Variants in MAP3K9 observed in about 807,000 individuals in gnomAD.
The protein encoded by MAP3K9 is mixed lineage kinase 1 (tyr and ser/thr specificity).
A neutral mutation model predicts 95.8 loss-of-function variants in MAP3K9; 46 were observed. The ratio of observed to expected loss-of-function variants is 0.48; its 90% CI spans 0.38 to 0.61. The LOEUF is 0.61. Ranked by LOEUF, MAP3K9 falls within the 20% of genes least tolerant of loss-of-function variation. The pLI, the probability that MAP3K9 is intolerant of heterozygous loss-of-function variation, is 0.00. For missense variants in MAP3K9, 1,296 were observed against 1,474.3 expected, an observed-to-expected ratio of 0.88 and a Z score of 1.98; for synonymous variants, 533 against 593.8, an observed-to-expected ratio of 0.90 and a Z score of 1.49.
intron 3 of MAP3K9, among the ~76,000 whole-genome samples, chr14:70,758,787 G>A (rs572904332): frequency 1.3e-5 from 2 of 149,572 alleles, no homozygotes; most frequent in South Asian, 2.1e-4. Context: ...TTTTTGAGAC[G>A]GAGTTTCACT....
At chr14:70,742,277 G>C in intron 6 of MAP3K9, 74 bp downstream of exon 6, 7 of 1,556,042 alleles carry the variant, frequency 4.5e-6, no homozygotes, top group Non-Finnish European at 6.1e-6. Context: ...GCTCAGTCCC[G>C]GACTCCCTCA....
At chr14:70,797,252 C>A (rs1359578529) in intron 2 of MAP3K9, among the ~76,000 whole-genome samples, 3 of 152,014 alleles carry the variant, frequency 2.0e-5, no homozygotes, top group Admixed American at 6.6e-5. Context: ...AAATCCAATT[C>A]TCTGGAACCC....
intron 2 of MAP3K9, among the ~76,000 whole-genome samples, chr14:70,790,804 A>C (rs1387087866): frequency 3.9e-5 from 6 of 152,204 alleles, no homozygotes; most frequent in African/African-American, 1.4e-4. Context: ...GATAGAAGCT[A>C]CATTTTTCTC....
At chr14:70,798,773 C>A (rs542094401) in intron 2 of MAP3K9, among the ~76,000 whole-genome samples, 36 of 152,150 alleles carry the variant, frequency 2.4e-4, no homozygotes, top group African/African-American at 8.4e-4. Flanking sequence ...CCACCGCGCC[C>A]GGCCCAAAAG....
chr14:70,790,246 C>T (rs535219504), intron 2 of MAP3K9, among the ~76,000 whole-genome samples: 222 of 152,338 alleles, frequency 1.5e-3, no homozygotes, highest in Middle Eastern at 6.8e-3. Flanking sequence ...CAAAGATTCC[C>T]TTTCAGTAGA....
intron 11 of MAP3K9, among the ~76,000 whole-genome samples, chr14:70,731,164 G>A (rs1172283882): frequency 6.6e-6 from 1 of 152,006 alleles, no homozygotes; most frequent in East Asian, 1.9e-4. Flanking sequence ...CAAGGTTTTA[G>A]GTGGAGTACA....
chr14:70,746,136 C>G (rs2054143544), intron 5 of MAP3K9, among the ~76,000 whole-genome samples: 1 of 152,162 alleles, frequency 6.6e-6, no homozygotes, highest in South Asian at 2.1e-4. Flanking sequence ...AAAATCAAAG[C>G]TAATTTCAAG....
rs2053784112 is a variant in MAP3K9 at position 70,723,812 on chromosome 14, T to C, written c.*6568A>G. On this transcript the variant is annotated 3_prime_UTR_variant, in exon 12 of 12. Coordinates refer to ENST00000554752, the MANE Select transcript of MAP3K9 (RefSeq NM_001284230.2). ...GAAAAAAATTAATGATTTCTTATCA[T>C]GTATTATTCGTCTTTATAACTAGGC... 6.6e-6 allele frequency: 1 copy of C among 152,246 alleles called. No homozygotes were observed. The highest frequency in any genetic ancestry group is 1.5e-5 in the Non-Finnish European group (1 of 68,050). 9.4% of individuals were successfully genotyped at this position (152,246 alleles called of 1,614,324 possible).
rs1485259493 is a variant in MAP3K9, at chr14:70,724,190, C to T, written c.*6190G>A. The stretch of plus-strand genomic sequence containing the variant: ...GGAGAATCTAAAGGAGCCTCTCTGC[C>T]ATAATCACTTCCCTTCTCCAGAGAA... On this transcript the variant is annotated 3_prime_UTR_variant, in exon 12 of 12. Coordinates refer to ENST00000554752, the MANE Select transcript of MAP3K9 (RefSeq NM_001284230.2). 1 of 152,172 alleles carries T rather than the reference C, an allele frequency of 6.6e-6. No individual in the cohort carries two copies. Among genetic ancestry groups the T allele is most frequent in the African/African-American group, 2.4e-5 (1 of 41,426 alleles). 9.4% of individuals were successfully genotyped at this position (152,172 alleles called of 1,614,324 possible). A position where few individuals can be genotyped will look rare whatever the true frequency, so the allele number is the denominator to read the frequency against.
At chr14:70,807,419 G>A (rs558451450) in intron 1 of MAP3K9, among the ~76,000 whole-genome samples, 1 of 152,252 alleles carries the variant, frequency 6.6e-6, no homozygotes, top group South Asian at 2.1e-4. Context: ...GAACCCGGGA[G>A]GCAGAGGTTG....
chr14:70,738,654 G>C (rs867402529), intron 7 of MAP3K9, among the ~76,000 whole-genome samples: 14 of 152,310 alleles, frequency 9.2e-5, no homozygotes, highest in Middle Eastern at 6.8e-3. Flanking sequence ...CTAGAGCTTA[G>C]GCCAGCCAGA....
At chr14:70,740,983 T>A (rs2054062317) in intron 6 of MAP3K9, among the ~76,000 whole-genome samples, 1 of 152,238 alleles carries the variant, frequency 6.6e-6, no homozygotes, top group Non-Finnish European at 1.5e-5. Flanking sequence ...ATAAACATAT[T>A]CACTCAACTG....
intron 2 of MAP3K9, among the ~76,000 whole-genome samples, chr14:70,767,959 C>T (rs1180255942): frequency 6.6e-6 from 1 of 152,122 alleles, no homozygotes. Flanking sequence ...AGCCACTGTG[C>T]CTGGCACAAA....
intron 2 of MAP3K9, among the ~76,000 whole-genome samples, chr14:70,780,587 C>A (rs2054661993): frequency 6.6e-6 from 1 of 152,198 alleles, no homozygotes; most frequent in African/African-American, 2.4e-5. Flanking sequence ...TGGACACCTA[C>A]AGCCCTTGCC....
At chr14:70,774,626 G>A (rs150083160) in intron 2 of MAP3K9, among the ~76,000 whole-genome samples, 9 of 151,872 alleles carry the variant, frequency 5.9e-5, no homozygotes, top group African/African-American at 7.2e-5. Context: ...CCAAGATCAC[G>A]CCACTGTACT....
rs2055039949 is a variant in MAP3K9, at chr14:70,809,279, C to A, written c.-108G>T. 1 of 1,223,770 alleles carries A rather than the reference C, an allele frequency of 8.2e-7. No individual in the cohort carries two copies. The highest frequency in any genetic ancestry group is 1.0e-6 in the Non-Finnish European group (1 of 979,158). 75.8% of individuals were successfully genotyped at this position (1,223,770 alleles called of 1,614,324 possible). On this transcript the variant is annotated 5_prime_UTR_variant, in exon 1 of 12. Transcript: ENST00000554752. ...TGGGAGGACCCCCCCCCAACGACGG[C>A]GGCCGCAGGTAGGGCCCGGGCTGGC... is the stretch of plus-strand genomic sequence containing the variant.
Position 70,742,548 on chromosome 14 carries a change from T to C in MAP3K9, c.1370A>G (p.Gln457Arg). 1 of 1,614,196 alleles carries C rather than the reference T, an allele frequency of 6.2e-7. No homozygotes were observed. The highest frequency in any genetic ancestry group is 8.5e-7 in the Non-Finnish European group (1 of 1,180,022). The change falls in exon 6 of 12, where the codon CAG (glutamine) becomes CGG (arginine). Residue 457 changes from glutamine (Q) to arginine (R), a missense_variant. Gln to Arg is a conservative substitution (Grantham distance 43). This residue lies in a region of MAP3K9 where 377 missense variants were observed against 417.1 expected (regional missense o/e 0.90). Coordinates refer to ENST00000554752, the MANE Select transcript of MAP3K9 (RefSeq NM_001284230.2). Reference protein sequence around the residue: ...WEEELTRAALQQKNQEELLRR... With the variant: ...WEEELTRAALRQKNQEELLRR... ...CAGCAGTTCCTCCTGGTTCTTCTGC[T>C]GCAGTGCAGCCCGCGTCAGCTCCTC...
At chr14:70,779,267 G>A (rs191692810) in intron 2 of MAP3K9, among the ~76,000 whole-genome samples, 5 of 152,326 alleles carry the variant, frequency 3.3e-5, no homozygotes, top group Middle Eastern at 3.4e-3. Context: ...AAAGTGTTGT[G>A]ACAAGATTTG....
intron 2 of MAP3K9, among the ~76,000 whole-genome samples, chr14:70,780,251 T>C (rs2158531): frequency 0.3 from 45,492 of 152,114 alleles, 7,074 homozygotes; most frequent in Admixed American, 0.34. Flanking sequence ...GAGGTGTGGA[T>C]TTCTGCTGCC....
Sources: gnomAD v4.1 joint callset for allele counts (sites outside exome capture counted in the v4.1 genomes callset) on GRCh38, gnomAD v4.1.1 for gene constraint, gnomAD v4.1.1 regional missense constraint, MANE v1.5 for transcripts, NCBI Gene and HGNC (gene_info 2026-07-23, HGNC 2026-07-21) for gene names.